Variants in FARS2 observed in about 807,000 individuals in gnomAD.
FARS2 encodes phenylalanyl-tRNA synthetase 2, mitochondrial.
Under a neutral mutation model 46.4 loss-of-function variants are expected in FARS2, and 40 were observed. That is an observed-to-expected ratio of 0.86 (90% CI 0.67 to 1.12). The LOEUF (loss-of-function observed/expected upper bound fraction) is 1.12. Ranked by LOEUF, FARS2 falls within the 50% of genes most tolerant of loss-of-function variation. The pLI is 0.00. For synonymous variants in FARS2, 234 were observed against 214.9 expected (o/e 1.09, Z -0.78); for missense variants, 513 against 567.9 (o/e 0.90, Z 0.98).
At chr6:5,673,620 A>G (rs1778597378) in intron 6 of FARS2, among the ~76,000 whole-genome samples, 1 of 152,194 alleles carries the variant, frequency 6.6e-6, no homozygotes, top group Admixed American at 6.5e-5. Flanking sequence ...TGAGGGACAG[A>G]TACAAGAAAC....
At chr6:5,578,270 A>G (rs114959880) in intron 5 of FARS2, among the ~76,000 whole-genome samples, 18 of 152,206 alleles carry the variant, frequency 1.2e-4, no homozygotes, top group Non-Finnish European at 2.6e-4. Flanking sequence ...GTCCCCAGCC[A>G]CTGCTCCCTA....
intron 6 of FARS2, among the ~76,000 whole-genome samples, chr6:5,621,296 G>T (rs1775764647): frequency 6.6e-6 from 1 of 150,832 alleles, no homozygotes; most frequent in Admixed American, 6.6e-5. Flanking sequence ...TTGCTTCGTT[G>T]CCCAGGCCGA....
intron 4 of FARS2, among the ~76,000 whole-genome samples, chr6:5,433,292 A>G (rs1369382058): frequency 6.6e-6 from 1 of 152,226 alleles, no homozygotes; most frequent in Non-Finnish European, 1.5e-5. Flanking sequence ...GATTCCTCTC[A>G]AGTGCTTAGC....
At chr6:5,691,005 G>A (rs907459829) in intron 6 of FARS2, among the ~76,000 whole-genome samples, 1 of 152,112 alleles carries the variant, frequency 6.6e-6, no homozygotes. Context: ...ACCGAGGCTT[G>A]TGCATTCATC....
At chr6:5,716,813 G>C (rs1204680711) in intron 6 of FARS2, among the ~76,000 whole-genome samples, 1 of 152,224 alleles carries the variant, frequency 6.6e-6, no homozygotes, top group Non-Finnish European at 1.5e-5. Flanking sequence ...GGCAAAATAT[G>C]GGGGAGGGGG....
chr6:5,752,386 G>A (rs1761997133), intron 6 of FARS2, among the ~76,000 whole-genome samples: 1 of 152,192 alleles, frequency 6.6e-6, no homozygotes, highest in South Asian at 2.1e-4. Flanking sequence ...GTTCTCGGCA[G>A]CTGACAGGAT....
chr6:5,357,103 T>C (rs1397456901), intron 1 of FARS2, among the ~76,000 whole-genome samples: 8 of 152,162 alleles, frequency 5.3e-5, no homozygotes, highest in Admixed American at 5.2e-4. Context: ...TACTCTGAAT[T>C]ATAAAATAAA....
intron 4 of FARS2, among the ~76,000 whole-genome samples, chr6:5,443,243 G>C (rs1043173918): frequency 6.6e-6 from 1 of 152,206 alleles, no homozygotes; most frequent in Non-Finnish European, 1.5e-5. Flanking sequence ...GAAGCTGTTG[G>C]CACAGTTTGT....
intron 1 of FARS2, among the ~76,000 whole-genome samples, chr6:5,318,185 C>T (rs1318391546): frequency 6.6e-6 from 1 of 151,816 alleles, no homozygotes; most frequent in East Asian, 1.9e-4. Flanking sequence ...ATGGTGAAAC[C>T]CCATCTCTAC....
At chr6:5,763,090 G>A (rs906516116) in intron 6 of FARS2, among the ~76,000 whole-genome samples, 1 of 152,206 alleles carries the variant, frequency 6.6e-6, no homozygotes, top group African/African-American at 2.4e-5. Flanking sequence ...TCTGCACGAT[G>A]GCTTTCTCAG....
At chr6:5,481,171 C>T (rs931485020) in intron 4 of FARS2, among the ~76,000 whole-genome samples, 9 of 152,210 alleles carry the variant, frequency 5.9e-5, no homozygotes, top group South Asian at 4.1e-4. Context: ...CTTCTCGTCT[C>T]GGTTCAGAAC....
intron 3 of FARS2, among the ~76,000 whole-genome samples, chr6:5,424,394 G>A (rs1762730418): frequency 6.6e-6 from 1 of 152,178 alleles, no homozygotes; most frequent in East Asian, 1.9e-4. Flanking sequence ...CTCCAAGTGT[G>A]TATCAGTAAG....
At position 5,318,924 on chromosome 6, in the gene FARS2, C is replaced by T. The variant is rs74521480; in HGVS notation, c.-21-49626C>T. ...CCCCTGATATCCAGTCAGCCTGCAT[C>T]GGCCTTAGGTTCCCTGCTTCCCGAC... is the stretch of plus-strand genomic sequence containing the variant. On this transcript the variant is annotated intron_variant, in intron 1 of 6. Transcript: ENST00000274680. Among the ~76,000 whole-genome samples the T allele has an allele frequency of 5.3e-3, 807 of 152,264 alleles. 10 individuals carry two copies. Among genetic ancestry groups the T allele is most frequent in the African/African-American group, 0.019 (771 of 41,552 alleles).
intron 4 of FARS2, among the ~76,000 whole-genome samples, chr6:5,492,168 A>G (rs1243717257): frequency 6.6e-6 from 1 of 152,242 alleles, no homozygotes; most frequent in Non-Finnish European, 1.5e-5. Context: ...ATGACTTTTA[A>G]TAAAGTAGTA....
intron 5 of FARS2, among the ~76,000 whole-genome samples, chr6:5,569,376 A>G (rs987105725): frequency 1.3e-5 from 2 of 151,920 alleles, no homozygotes; most frequent in African/African-American, 4.8e-5. Flanking sequence ...AGTTGGGACT[A>G]TAAGCATATG....
At chr6:5,697,368 C>T (rs528762107) in intron 6 of FARS2, among the ~76,000 whole-genome samples, 9 of 152,218 alleles carry the variant, frequency 5.9e-5, no homozygotes, top group South Asian at 2.1e-4. Flanking sequence ...CTTTGAAAAA[C>T]GCTCAGATTT....
chr6:5,548,832 T>G (rs1771194519), intron 5 of FARS2, among the ~76,000 whole-genome samples: 1 of 152,212 alleles, frequency 6.6e-6, no homozygotes, highest in South Asian at 2.1e-4. Context: ...AATATATAAT[T>G]TTTATAGTTG....
At chr6:5,559,213 G>T (rs1771848506) in intron 5 of FARS2, among the ~76,000 whole-genome samples, 1 of 152,002 alleles carries the variant, frequency 6.6e-6, no homozygotes, top group Non-Finnish European at 1.5e-5. Context: ...GACCAGCCTG[G>T]GCAACATAGA....
intron 1 of FARS2, among the ~76,000 whole-genome samples, chr6:5,303,046 C>T (rs901787933): frequency 1.3e-5 from 2 of 152,140 alleles, no homozygotes; most frequent in African/African-American, 4.8e-5. Flanking sequence ...TCCTGTGGTG[C>T]AGGTACAAAT....
Sources: gnomAD v4.1 joint callset for allele counts (sites outside exome capture counted in the v4.1 genomes callset) on GRCh38, gnomAD v4.1.1 for gene constraint, MANE v1.5 for transcripts, NCBI Gene and HGNC (gene_info 2026-07-23, HGNC 2026-07-21) for gene names.